PAIP2B: variants seen among roughly 807,000 people sequenced by gnomAD.
PAIP2B encodes the protein polyadenylate-binding protein-interacting protein 2B.
Under a neutral mutation model 17.0 loss-of-function variants are expected in PAIP2B, and 13 were observed. The observed-to-expected ratio is 0.76, with a 90% CI of 0.50 to 1.22. The LOEUF (loss-of-function observed/expected upper bound fraction) is 1.22, where lower values mean the gene tolerates loss of function less well. Among genes scored for constraint, PAIP2B ranks in the 50% most tolerant of loss-of-function variants. The probability of loss-of-function intolerance (pLI) is 0.00; values close to 1 mark genes in which losing one functional copy is unlikely to be tolerated. For synonymous variants in PAIP2B, 43 were observed against 48.7 expected (o/e 0.88, Z 0.48); for missense variants, 117 against 144.5 (o/e 0.81, Z 0.98).
At chr2:71,194,782 G>C (rs988258403) in intron 2 of PAIP2B, among the ~76,000 whole-genome samples, 1 of 152,162 alleles carries the variant, frequency 6.6e-6, no homozygotes, top group Non-Finnish European at 1.5e-5. Flanking sequence ...TAAGTGGTGA[G>C]AGAGGGCATC....
At chr2:71,202,373 T>G in intron 2 of PAIP2B, 79 bp downstream of exon 2, 1 of 1,530,618 alleles carries the variant, frequency 6.5e-7, no homozygotes. Flanking sequence ...ATTTCTTTTG[T>G]AATAAACTGG....
At chr2:71,205,837 C>T (rs974456521) in intron 1 of PAIP2B, among the ~76,000 whole-genome samples, 5 of 152,152 alleles carry the variant, frequency 3.3e-5, no homozygotes, top group East Asian at 1.9e-4. Flanking sequence ...TTACATAAAT[C>T]GGGTTAAGAG....
intron 1 of PAIP2B, among the ~76,000 whole-genome samples, chr2:71,203,039 A>T (rs1675026020): frequency 6.6e-6 from 1 of 152,206 alleles, no homozygotes; most frequent in African/African-American, 2.4e-5. Context: ...AATGTATTTT[A>T]AAAAATACAT....
At chr2:71,202,002 G>C (rs1674996765) in intron 2 of PAIP2B, among the ~76,000 whole-genome samples, 1 of 152,186 alleles carries the variant, frequency 6.6e-6, no homozygotes, top group African/African-American at 2.4e-5. Context: ...GAATATTCTA[G>C]AATGGTCTAC....
At chr2:71,203,877 A>G (rs868001307) in intron 1 of PAIP2B, among the ~76,000 whole-genome samples, 1 of 152,228 alleles carries the variant, frequency 6.6e-6, no homozygotes, top group African/African-American at 2.4e-5. Context: ...TTGTATGTAC[A>G]TAAAATTGTT....
intron 1 of PAIP2B, among the ~76,000 whole-genome samples, chr2:71,222,660 T>C (rs1250691357): frequency 6.6e-6 from 1 of 152,244 alleles, no homozygotes; most frequent in African/African-American, 2.4e-5. Flanking sequence ...TGTGTGCCTC[T>C]TTCTTGCAAC....
At chr2:71,204,957 CAG>C (rs1321395595) in intron 1 of PAIP2B, among the ~76,000 whole-genome samples, 5 of 151,194 alleles carry the variant, frequency 3.3e-5, no homozygotes, top group Admixed American at 1.3e-4. Flanking sequence ...AATCAGAAAT[CAG>C]AGTTCAGTTT....
At chr2:71,188,602 C>A in intron 3 of PAIP2B, 67 bp from the exon 4 acceptor site, 2 of 1,306,782 alleles carry the variant, frequency 1.5e-6, no homozygotes, top group Non-Finnish European at 2.2e-6. Context: ...CCCAGTCCAT[C>A]ATTATCAGTA....
intron 2 of PAIP2B, among the ~76,000 whole-genome samples, chr2:71,193,726 C>T (rs896655352): frequency 2.0e-5 from 3 of 151,962 alleles, no homozygotes; most frequent in African/African-American, 7.3e-5. Flanking sequence ...TGGTGGCAGG[C>T]ACCTGTAGTC....
intron 2 of PAIP2B, among the ~76,000 whole-genome samples, chr2:71,197,030 AT>A (rs1344264816): frequency 6.6e-6 from 1 of 152,094 alleles, no homozygotes; most frequent in Admixed American, 6.5e-5. Context: ...GTTGGTATTG[AT>A]ATGTGTGGAT....
At chr2:71,212,236 C>G (rs1675319915) in intron 1 of PAIP2B, among the ~76,000 whole-genome samples, 2 of 152,164 alleles carry the variant, frequency 1.3e-5, no homozygotes, top group African/African-American at 2.4e-5. Flanking sequence ...AGCCTGAATA[C>G]AATCTCCGAG....
intron 2 of PAIP2B, among the ~76,000 whole-genome samples, chr2:71,190,559 C>T (rs1436314754): frequency 1.3e-5 from 2 of 152,196 alleles, no homozygotes; most frequent in African/African-American, 4.8e-5. Flanking sequence ...AATTCTATCA[C>T]TAATAAGACT....
chr2:71,209,971 C>T (rs1165491539), intron 1 of PAIP2B, among the ~76,000 whole-genome samples: 8 of 152,026 alleles, frequency 5.3e-5, no homozygotes, highest in East Asian at 3.9e-4. Context: ...ACTACAGGTA[C>T]GTGCCACTAT....
chr2:71,201,949 A>G (rs902047187), intron 2 of PAIP2B, among the ~76,000 whole-genome samples: 7 of 152,198 alleles, frequency 4.6e-5, no homozygotes, highest in East Asian at 1.9e-4. Flanking sequence ...TTTTATGTCA[A>G]TCCTCTAAGA....
At chr2:71,211,755 T>C (rs1007525234) in intron 1 of PAIP2B, among the ~76,000 whole-genome samples, 1 of 152,220 alleles carries the variant, frequency 6.6e-6, no homozygotes, top group Non-Finnish European at 1.5e-5. Flanking sequence ...TCCCAAACTT[T>C]TAGAAACAAT....
intron 2 of PAIP2B, among the ~76,000 whole-genome samples, chr2:71,192,581 T>A (rs1280219689): frequency 6.6e-6 from 1 of 152,084 alleles, no homozygotes; most frequent in Non-Finnish European, 1.5e-5. Context: ...ATTCTGCTCC[T>A]CTCTCTCCTC....
chr2:71,225,116 C>G (rs1285514768), intron 1 of PAIP2B, among the ~76,000 whole-genome samples: 5 of 152,114 alleles, frequency 3.3e-5, no homozygotes, highest in African/African-American at 1.2e-4. Flanking sequence ...TCTTAAACTC[C>G]TAGGTTCAAG....
intron 1 of PAIP2B, among the ~76,000 whole-genome samples, chr2:71,215,126 T>C (rs1558781912): frequency 6.6e-6 from 1 of 152,198 alleles, no homozygotes; most frequent in Non-Finnish European, 1.5e-5. Flanking sequence ...CTTATACTTC[T>C]TATTTCACAA....
At chr2:71,209,854 C>A (rs976162751) in intron 1 of PAIP2B, among the ~76,000 whole-genome samples, 2 of 151,214 alleles carry the variant, frequency 1.3e-5, no homozygotes, top group African/African-American at 2.4e-5. Flanking sequence ...GATGGAGTCT[C>A]ACTCTGTCGC....
Sources: gnomAD v4.1 joint callset for allele counts (sites outside exome capture counted in the v4.1 genomes callset) on GRCh38, gnomAD v4.1.1 for gene constraint, MANE v1.5 for transcripts, NCBI Gene and HGNC (gene_info 2026-07-23, HGNC 2026-07-21) for gene names.